The following PGM5 variants were observed in gnomAD, a reference collection of about 807,000 sequenced individuals.
PGM5 encodes phosphoglucomutase 5.
PGM5 carries 23 observed loss-of-function variants against 59.2 expected under a neutral mutation model. The observed-to-expected ratio is 0.39, with a 90% CI of 0.28 to 0.55. The LOEUF (loss-of-function observed/expected upper bound fraction) is 0.55. Ranked by LOEUF, PGM5 falls within the 20% of genes least tolerant of loss-of-function variation. The pLI is 0.66. For synonymous variants in PGM5, 214 were observed against 286.0 expected (o/e 0.75, Z 2.54); for missense variants, 574 against 748.3 (o/e 0.77, Z 2.72).
chr9:68,516,198 A>C (rs1003983310), intron 10 of PGM5, among the ~76,000 whole-genome samples: 3 of 152,230 alleles, frequency 2.0e-5, no homozygotes, highest in African/African-American at 7.2e-5. Flanking sequence ...CCATCAAAAA[A>C]TATGGGGGTG....
Position 68,484,022 on chromosome 9 carries a change from G to C in PGM5, c.1453G>C (p.Val485Leu). 6.2e-7 allele frequency: 1 copy of C among 1,613,714 alleles called. No individual in the cohort carries two copies. Among genetic ancestry groups the C allele is most frequent in the Non-Finnish European group, 8.5e-7 (1 of 1,179,992 alleles). ...KTDSFEYVDP[V>L]DGTVTKKQGL... ...GGATAGTTTTGAATACGTGGACCCT[G>C]TGGATGGCACTGTGACCAAGAAACA... Residue 485 changes from valine to leucine, a missense_variant, in exon 9 of 11, where the codon GTG becomes CTG. By Grantham distance (32) the Val-to-Leu change is conservative. This residue lies in a region of PGM5 where 300 missense variants were observed against 280.0 expected (regional missense o/e 1.07). Transcript: ENST00000396396.
intron 9 of PGM5, among the ~76,000 whole-genome samples, chr9:68,496,441 A>T (rs1322835414): frequency 3.3e-5 from 5 of 152,224 alleles, no homozygotes; most frequent in Admixed American, 6.5e-5. Flanking sequence ...AGAATTAATG[A>T]TGTTCCTCAC....
intron 1 of PGM5, among the ~76,000 whole-genome samples, chr9:68,374,788 G>T (rs1821836865): frequency 6.6e-6 from 1 of 152,122 alleles, no homozygotes; most frequent in Non-Finnish European, 1.5e-5. Flanking sequence ...TGCCAGATTT[G>T]TTCTAGGTTC....
At chr9:68,415,467 T>G (rs1280029459) in intron 6 of PGM5, among the ~76,000 whole-genome samples, 1 of 146,604 alleles carries the variant, frequency 6.8e-6, no homozygotes, top group Non-Finnish European at 1.5e-5. Context: ...AAGCACAGCC[T>G]GGAACCTGGA....
intron 10 of PGM5, among the ~76,000 whole-genome samples, chr9:68,504,782 T>C (rs1439586991): frequency 1.3e-5 from 2 of 152,218 alleles, no homozygotes; most frequent in African/African-American, 4.8e-5. Context: ...GCTGGGACTT[T>C]GTCAGATTAT....
At chr9:68,381,391 G>T (rs1334504832) in intron 2 of PGM5, among the ~76,000 whole-genome samples, 1 of 151,726 alleles carries the variant, frequency 6.6e-6, no homozygotes, top group South Asian at 2.1e-4. Context: ...AATAAAGGTC[G>T]TTTATAAGAA....
intron 6 of PGM5, among the ~76,000 whole-genome samples, chr9:68,409,631 AACC>A (rs1554681455): frequency 2.0e-3 from 200 of 101,284 alleles, no homozygotes; most frequent in Non-Finnish European, 3.4e-3. Flanking sequence ...AAGAACAAAA[AACC>A]AAACACCGCA....
chr9:68,477,392 T>G (rs1554686766), intron 7 of PGM5, among the ~76,000 whole-genome samples: 2 of 152,222 alleles, frequency 1.3e-5, no homozygotes, highest in Admixed American at 1.3e-4. Context: ...GGTCTGTAGC[T>G]TTAGTTAGAA....
chr9:68,492,863 C>A (rs1253867411), intron 9 of PGM5, among the ~76,000 whole-genome samples: 1 of 152,164 alleles, frequency 6.6e-6, no homozygotes, highest in Non-Finnish European at 1.5e-5. Flanking sequence ...AGGCTGCATG[C>A]CCACTTCTAC....
At chr9:68,479,886 G>A (rs1405835391) in intron 8 of PGM5, among the ~76,000 whole-genome samples, 5 of 147,388 alleles carry the variant, frequency 3.4e-5, no homozygotes, top group East Asian at 2.0e-4. Context: ...TCCCGCCACT[G>A]CACTCCAGCC....
At chr9:68,387,425 A>G in intron 3 of PGM5, 38 bp from the exon 4 acceptor site, 1 of 1,541,726 alleles carries the variant, frequency 6.5e-7, no homozygotes, top group Non-Finnish European at 9.0e-7. Context: ...TTTCATGGGT[A>G]CAGTCAATGA....
intron 6 of PGM5, among the ~76,000 whole-genome samples, chr9:68,452,021 T>C (rs1554684364): frequency 6.6e-6 from 1 of 152,252 alleles, no homozygotes; most frequent in Admixed American, 6.5e-5. Context: ...GGGATACCTT[T>C]AGCACAAAAG....
rs2777175 is a variant in PGM5, at chr9:68,356,882, T to C, written c.-246T>C. On this transcript the variant is annotated 5_prime_UTR_variant, in exon 1 of 11. Coordinates refer to ENST00000396396, the MANE Select transcript of PGM5 (RefSeq NM_021965.4). ...GCGGTCTGGCAGCGGAGAAGGTGGG[T>C]GGGAGAAAACTTTACAGGAAGGCAG... is the stretch of plus-strand genomic sequence containing the variant. The C allele has an allele frequency of 0.43, 174,825 of 404,428 alleles. 38,330 individuals carry two copies. The highest frequency in any genetic ancestry group is 0.49 in the Admixed American group (10,631 of 21,530). 25.1% of individuals were successfully genotyped at this position (404,428 alleles called of 1,614,324 possible). A position where few individuals can be genotyped will look rare whatever the true frequency, so the allele number is the denominator to read the frequency against.
At position 68,433,845 on chromosome 9, in the gene PGM5, C is replaced by T. The variant is rs540399045; in HGVS notation, c.1044-31248C>T. Among the ~76,000 whole-genome samples, 12 of 152,266 alleles carry T rather than the reference C, an allele frequency of 7.9e-5. No homozygotes were observed. In the South Asian group the frequency reaches 2.5e-3, roughly 32 times the overall value. On this transcript the variant is annotated intron_variant, in intron 6 of 10. Coordinates refer to ENST00000396396, the MANE Select transcript of PGM5 (RefSeq NM_021965.4). ...GGAAAGATGGTTTGGTTTCTTTCAA[C>T]CTACTGCTTTTTGAAGGCTCAGGGC...
chr9:68,453,078 C>T (rs1226891455), intron 6 of PGM5, among the ~76,000 whole-genome samples: 3 of 152,200 alleles, frequency 2.0e-5, no homozygotes, highest in African/African-American at 7.2e-5. Context: ...CCACCAACTC[C>T]ACAAGGTGCT....
chr9:68,513,069 A>G (rs193178330), intron 10 of PGM5, among the ~76,000 whole-genome samples: 1 of 152,366 alleles, frequency 6.6e-6, no homozygotes, highest in Admixed American at 6.5e-5. Context: ...TCTGAATATG[A>G]CACGTTATTT....
intron 6 of PGM5, among the ~76,000 whole-genome samples, chr9:68,439,863 G>A (rs1349850100): frequency 3.9e-5 from 6 of 151,940 alleles, no homozygotes; most frequent in Non-Finnish European, 4.4e-5. Context: ...TGAAGTTAGG[G>A]AAAATGACTT....
At chr9:68,526,426 A>G (rs1234461637) in intron 10 of PGM5, among the ~76,000 whole-genome samples, 2 of 152,236 alleles carry the variant, frequency 1.3e-5, no homozygotes, top group Non-Finnish European at 2.9e-5. Context: ...CATGAACAGA[A>G]GAAGGGACAA....
chr9:68,454,993 G>A (rs1392285684), intron 6 of PGM5, among the ~76,000 whole-genome samples: 1 of 152,184 alleles, frequency 6.6e-6, no homozygotes, highest in Non-Finnish European at 1.5e-5. Flanking sequence ...CTGGGTGACC[G>A]AAGGAAACCC....
Sources: gnomAD v4.1 joint callset for allele counts (sites outside exome capture counted in the v4.1 genomes callset) on GRCh38, gnomAD v4.1.1 for gene constraint, gnomAD v4.1.1 regional missense constraint, MANE v1.5 for transcripts, NCBI Gene and HGNC (gene_info 2026-07-23, HGNC 2026-07-21) for gene names.